Variants in DIP2C observed in about 807,000 individuals in gnomAD.
The protein encoded by DIP2C is DIP2 acetate--CoA ligase C (putative).
DIP2C carries 33 observed loss-of-function variants against 192.4 expected under a neutral mutation model. The observed-to-expected ratio is 0.17, with a 90% CI of 0.13 to 0.23. The LOEUF is 0.23. DIP2C is among the 10% of genes least tolerant of loss of function. The pLI is 1.00. For missense variants in DIP2C, 1,537 were observed against 2,110.1 expected (o/e 0.73, Z 5.32); for synonymous variants, 979 against 864.1 (o/e 1.13, Z -2.33).
At chr10:344,966 G>GA in intron 27 of DIP2C, 33 bp downstream of exon 27, 1 of 1,607,496 alleles carries the variant, frequency 6.2e-7, no homozygotes, top group Admixed American at 1.7e-5. Context: ...GCAAGGCCGT[G>GA]AGCAAACCAC....
intron 1 of DIP2C, among the ~76,000 whole-genome samples, chr10:576,639 T>C (rs1850180318): frequency 6.6e-6 from 1 of 152,222 alleles, no homozygotes; most frequent in Admixed American, 6.5e-5. Flanking sequence ...CCAGGGATGG[T>C]GGCTCAGACC....
At chr10:341,422 G>A (rs1211749402) in intron 28 of DIP2C, 93 bp from the exon 29 acceptor site, 3 of 1,524,542 alleles carry the variant, frequency 2.0e-6, no homozygotes, top group Non-Finnish European at 1.8e-6. Context: ...AGGCTGTGTT[G>A]AACGCATCGG....
chr10:337,904 T>C (rs944296248), intron 29 of DIP2C, among the ~76,000 whole-genome samples: 1 of 149,210 alleles, frequency 6.7e-6, no homozygotes, highest in East Asian at 2.0e-4. Context: ...GTGTGTGTGT[T>C]GTGGAGGCCT....
At chr10:484,722 T>C in intron 2 of DIP2C, 1 of 1,547,510 alleles carries the variant, frequency 6.5e-7, no homozygotes, top group Non-Finnish European at 8.7e-7. Context: ...ACTCGGCGGG[T>C]GGCCCTTTTC....
At chr10:500,008 T>C (rs189198355) in intron 1 of DIP2C, among the ~76,000 whole-genome samples, 2 of 152,112 alleles carry the variant, frequency 1.3e-5, no homozygotes, top group East Asian at 3.9e-4. Flanking sequence ...CTTGCTCGGG[T>C]GGATTTTGAA....
intron 1 of DIP2C, among the ~76,000 whole-genome samples, chr10:612,871 C>A (rs1477319542): frequency 6.6e-6 from 1 of 152,214 alleles, no homozygotes; most frequent in Non-Finnish European, 1.5e-5. Flanking sequence ...ATGAGCCAAG[C>A]AGCTTGGTTA....
At chr10:493,135 C>T (rs191088824) in intron 1 of DIP2C, among the ~76,000 whole-genome samples, 1 of 152,352 alleles carries the variant, frequency 6.6e-6, no homozygotes, top group African/African-American at 2.4e-5. Flanking sequence ...CACGAGGTCC[C>T]CGGAGATGCC....
At chr10:364,351 T>C (rs370245319) in intron 20 of DIP2C, 23 bp downstream of exon 20, 11 of 1,598,756 alleles carry the variant, frequency 6.9e-6, no homozygotes, top group African/African-American at 5.4e-5. Flanking sequence ...AACCATATGC[T>C]TGATTTGCAG....
At chr10:529,172 T>C (rs1847234667) in intron 1 of DIP2C, among the ~76,000 whole-genome samples, 1 of 152,194 alleles carries the variant, frequency 6.6e-6, no homozygotes, top group African/African-American at 2.4e-5. Flanking sequence ...ATCTCATAGA[T>C]GGGAACTGGG....
At chr10:586,255 G>A (rs769912166) in intron 1 of DIP2C, among the ~76,000 whole-genome samples, 5 of 152,204 alleles carry the variant, frequency 3.3e-5, no homozygotes, top group Non-Finnish European at 5.9e-5. Context: ...GAGAATGGAC[G>A]CAGCCATCAC....
Position 364,677 on chromosome 10 carries a change from A to G in DIP2C, c.2269-95T>C, listed in dbSNP as rs1959966438. The G allele has an allele frequency of 3.6e-6, 5 of 1,371,444 alleles. No individual in the cohort carries two copies. In the South Asian group the frequency reaches 6.7e-5, roughly 18 times the overall value. 85.0% of individuals were successfully genotyped at this position (1,371,444 alleles called of 1,614,324 possible). A position where few individuals can be genotyped will look rare whatever the true frequency, so the allele number is the denominator to read the frequency against. ...TGGGAGCACGGCACCTGCTTTGCTT[A>G]AGCTCTGCCTTTCACCCCAGCAACC... is the stretch of plus-strand genomic sequence containing the variant. On this transcript the variant is annotated intron_variant, in intron 19 of 36. Transcript: ENST00000280886.
intron 1 of DIP2C, among the ~76,000 whole-genome samples, chr10:660,935 GTAACA>G (rs564707576): frequency 1.2e-4 from 19 of 152,276 alleles, no homozygotes; most frequent in African/African-American, 3.4e-4. Flanking sequence ...TCCAAATGCC[GTAACA>G]CAAGTGCTAA....
At chr10:317,576 TG>T (rs1956829460) in intron 31 of DIP2C, among the ~76,000 whole-genome samples, 1 of 152,250 alleles carries the variant, frequency 6.6e-6, no homozygotes, top group Non-Finnish European at 1.5e-5. Context: ...TCTTGCTTTT[TG>T]GTTCAAGACA....
intron 32 of DIP2C, among the ~76,000 whole-genome samples, chr10:305,395 C>T (rs1956269355): frequency 6.8e-6 from 1 of 147,172 alleles, no homozygotes; most frequent in Non-Finnish European, 1.5e-5. Context: ...TTGTCTTTGT[C>T]TCTATCTTCA....
At chr10:483,424 G>A (rs986072212) in intron 2 of DIP2C, among the ~76,000 whole-genome samples, 4 of 152,244 alleles carry the variant, frequency 2.6e-5, no homozygotes, top group African/African-American at 7.2e-5. Context: ...TGCACATGGT[G>A]CACACTTGCG....
intron 1 of DIP2C, among the ~76,000 whole-genome samples, chr10:528,500 G>A (rs1397865059): frequency 2.0e-5 from 3 of 152,208 alleles, no homozygotes; most frequent in Non-Finnish European, 4.4e-5. Flanking sequence ...AAGCCATAGT[G>A]GTGGATATCC....
At chr10:543,948 G>A (rs142548754) in intron 1 of DIP2C, among the ~76,000 whole-genome samples, 222 of 152,356 alleles carry the variant, frequency 1.5e-3, no homozygotes, top group African/African-American at 5.0e-3. Flanking sequence ...ATCGCCAGCC[G>A]ACTTCTGTTT....
intron 1 of DIP2C, among the ~76,000 whole-genome samples, chr10:521,385 A>G (rs4881399): frequency 0.68 from 104,089 of 151,978 alleles, 35,921 homozygotes; most frequent in East Asian, 0.93. Flanking sequence ...AGAAGGCCTC[A>G]ATGATAAGGA....
At chr10:525,256 A>G (rs1485360253) in intron 1 of DIP2C, among the ~76,000 whole-genome samples, 3 of 152,254 alleles carry the variant, frequency 2.0e-5, no homozygotes, top group African/African-American at 7.2e-5. Flanking sequence ...AAACCGAGAT[A>G]GAATTTGACT....
Sources: gnomAD v4.1 joint callset for allele counts (sites outside exome capture counted in the v4.1 genomes callset) on GRCh38, gnomAD v4.1.1 for gene constraint, MANE v1.5 for transcripts, NCBI Gene and HGNC (gene_info 2026-07-23, HGNC 2026-07-21) for gene names.